The following RORA variants were observed in gnomAD, a reference collection of about 807,000 sequenced individuals.
The protein encoded by RORA is RAR related orphan receptor A, also known as nuclear receptor ROR-alpha.
In RORA, 7 loss-of-function variants were observed where a neutral mutation model predicts 69.5. The observed-to-expected ratio is 0.10, with a 90% CI of 0.06 to 0.19. RORA has a LOEUF of 0.19. Among genes scored for constraint, RORA ranks in the 10% least tolerant of loss-of-function variants. The probability of loss-of-function intolerance (pLI) is 1.00; values close to 1 mark genes in which losing one functional copy is unlikely to be tolerated. For missense variants in RORA, 457 were observed against 663.0 expected, an observed-to-expected ratio of 0.69 and a Z score of 3.41; for synonymous variants, 261 against 240.8, an observed-to-expected ratio of 1.08 and a Z score of -0.78.
intron 1 of RORA, among the ~76,000 whole-genome samples, chr15:60,894,156 T>C (rs923290621): frequency 1.3e-5 from 2 of 152,206 alleles, no homozygotes; most frequent in African/African-American, 4.8e-5. Context: ...GAGTTCTTCC[T>C]GTGAAGAGCC....
chr15:60,871,327 T>A (rs2073552790), intron 1 of RORA, among the ~76,000 whole-genome samples: 1 of 152,208 alleles, frequency 6.6e-6, no homozygotes, highest in African/African-American at 2.4e-5. Context: ...CCTGTTAAAT[T>A]TGGAGTTCAG....
At chr15:60,984,579 T>C (rs1894141199) in intron 1 of RORA, among the ~76,000 whole-genome samples, 1 of 152,064 alleles carries the variant, frequency 6.6e-6, no homozygotes, top group Non-Finnish European at 1.5e-5. Flanking sequence ...CATACACAAA[T>C]AATAAGGCAC....
At chr15:61,080,158 G>C (rs150469010) in intron 1 of RORA, among the ~76,000 whole-genome samples, 1 of 152,084 alleles carries the variant, frequency 6.6e-6, no homozygotes, top group Non-Finnish European at 1.5e-5. Flanking sequence ...AGGGCTTCGC[G>C]CTCTTTTCCT....
intron 1 of RORA, among the ~76,000 whole-genome samples, chr15:60,877,824 A>T (rs952881390): frequency 5.3e-5 from 8 of 152,234 alleles, no homozygotes; most frequent in African/African-American, 1.4e-4. Flanking sequence ...ATGTCTGAAT[A>T]TACCCATAAT....
At chr15:61,097,158 T>C (rs1281502400) in intron 1 of RORA, among the ~76,000 whole-genome samples, 1 of 152,058 alleles carries the variant, frequency 6.6e-6, no homozygotes, top group Non-Finnish European at 1.5e-5. Context: ...GAAGAGCTTG[T>C]GGAGGAAGCA....
At chr15:60,867,792 T>C (rs2073507050) in intron 1 of RORA, among the ~76,000 whole-genome samples, 1 of 152,210 alleles carries the variant, frequency 6.6e-6, no homozygotes, top group African/African-American at 2.4e-5. Flanking sequence ...TACCCCGTTT[T>C]AATGATCATT....
intron 1 of RORA, among the ~76,000 whole-genome samples, chr15:60,951,716 T>C (rs1263328679): frequency 6.6e-6 from 1 of 152,094 alleles, no homozygotes; most frequent in African/African-American, 2.4e-5. Context: ...CCTCGACACA[T>C]AAACTCCCCA....
intron 1 of RORA, among the ~76,000 whole-genome samples, chr15:60,935,936 A>G (rs1223751129): frequency 6.6e-6 from 1 of 152,260 alleles, no homozygotes; most frequent in Non-Finnish European, 1.5e-5. Flanking sequence ...TGATCCCAAA[A>G]TAAGTTTGAG....
chr15:60,820,244 T>A (rs1350770203), intron 1 of RORA, among the ~76,000 whole-genome samples: 1 of 152,136 alleles, frequency 6.6e-6, no homozygotes, highest in Admixed American at 6.5e-5. Context: ...TTCTAGCACG[T>A]GTTTTGAAAG....
Position 60,490,473 on chromosome 15 carries a change from T to C in RORA, c.*6982A>G, listed in dbSNP as rs2065024316. ...CTATACAGAATGAAAGCCAAAAAGT[T>C]AACTGTATAGAGATGTGCAGAACAA... is the stretch of plus-strand genomic sequence containing the variant. On this transcript the variant is annotated 3_prime_UTR_variant, in exon 11 of 11. Coordinates refer to ENST00000335670, the MANE Select transcript of RORA (RefSeq NM_134261.3). This position sits in a 1 kb window ranked among gnomAD's most constrained non-coding sequence, Gnocchi z 4.1. 1 of 152,084 alleles carries C rather than the reference T, an allele frequency of 6.6e-6. No individual in the cohort carries two copies. Among genetic ancestry groups the C allele is most frequent in the South Asian group, 2.1e-4 (1 of 4,834 alleles). The allele number at this position is 152,084 out of a possible 1,614,324, so 9.4% of individuals were successfully genotyped here.
chr15:60,922,829 T>C (rs777183994), intron 1 of RORA, among the ~76,000 whole-genome samples: 3 of 152,244 alleles, frequency 2.0e-5, no homozygotes, highest in African/African-American at 4.8e-5. Flanking sequence ...TTGCTGTCAC[T>C]GTCAAAACTA....
At chr15:60,506,683 T>G (rs1385762103) in intron 5 of RORA, among the ~76,000 whole-genome samples, 1 of 151,104 alleles carries the variant, frequency 6.6e-6, no homozygotes, top group African/African-American at 2.5e-5. Flanking sequence ...TGAAACCCTG[T>G]CTCTATTAAA....
At chr15:60,555,645 G>C (rs775899141) in intron 2 of RORA, among the ~76,000 whole-genome samples, 5 of 151,924 alleles carry the variant, frequency 3.3e-5, no homozygotes, top group African/African-American at 9.7e-5. Flanking sequence ...AAGCAGAATG[G>C]GGCCAATAAA....
intron 1 of RORA, among the ~76,000 whole-genome samples, chr15:60,890,834 T>C (rs887543741): frequency 2.6e-5 from 4 of 152,246 alleles, no homozygotes; most frequent in African/African-American, 9.6e-5. Flanking sequence ...TAATTCCATC[T>C]ATTTTAAGAT....
chr15:60,709,261 A>G (rs1477693388), intron 1 of RORA, among the ~76,000 whole-genome samples: 2 of 152,208 alleles, frequency 1.3e-5, no homozygotes, highest in African/African-American at 2.4e-5. Context: ...AGTTTCTACT[A>G]TGTGCCTGGT....
chr15:61,019,880 T>C (rs1427705528), intron 1 of RORA, among the ~76,000 whole-genome samples: 3 of 152,156 alleles, frequency 2.0e-5, no homozygotes, highest in African/African-American at 7.2e-5. Context: ...ATGCTCCTGG[T>C]TCCTTTGCCA....
chr15:60,516,137 TTATATATATTTA>T (rs2065915506), intron 3 of RORA, among the ~76,000 whole-genome samples: 10 of 64,946 alleles, frequency 1.5e-4, no homozygotes, highest in South Asian at 7.5e-4. Flanking sequence ...TTAAATATAT[TTATATATATTTA>T]TATATATATA....
intron 2 of RORA, among the ~76,000 whole-genome samples, chr15:60,612,478 C>G (rs1412848996): frequency 2.0e-5 from 3 of 152,152 alleles, no homozygotes; most frequent in African/African-American, 7.2e-5. Context: ...ATTTTTACCT[C>G]CTTTAGCGAA....
chr15:60,890,452 T>C (rs560670986), intron 1 of RORA, among the ~76,000 whole-genome samples: 28 of 152,310 alleles, frequency 1.8e-4, no homozygotes, highest in African/African-American at 5.5e-4. Flanking sequence ...TCCGCTTTTC[T>C]CTTGCCCTGG....
Sources: allele counts gnomAD v4.1 joint callset (sites outside exome capture counted in the v4.1 genomes callset), GRCh38; gene constraint gnomAD v4.1.1; non-coding constraint Gnocchi (gnomAD v3.1); transcripts MANE v1.5; gene names NCBI Gene and HGNC (gene_info 2026-07-23, HGNC 2026-07-21).